Variants in ITPR1 observed in about 807,000 individuals in gnomAD.
The protein encoded by ITPR1 is inositol 1,4,5-trisphosphate-gated calcium channel ITPR1.
ITPR1 carries 96 observed loss-of-function variants against 318.4 expected under a neutral mutation model. The observed-to-expected ratio is 0.30, with a 90% CI of 0.26 to 0.36. The LOEUF (loss-of-function observed/expected upper bound fraction) is 0.36, where lower values mean the gene tolerates loss of function less well. Ranked by LOEUF, ITPR1 falls within the 10% of genes least tolerant of loss-of-function variation. The pLI, the probability that ITPR1 is intolerant of heterozygous loss-of-function variation, is 1.00. For missense variants in ITPR1, 2,440 were observed against 3,460.2 expected, an observed-to-expected ratio of 0.71 and a Z score of 7.40; for synonymous variants, 1,312 against 1,289.9, an observed-to-expected ratio of 1.02 and a Z score of -0.37.
intron 17 of ITPR1, among the ~76,000 whole-genome samples, chr3:4,666,532 C>A (rs1205979593): frequency 6.6e-6 from 1 of 152,168 alleles, no homozygotes; most frequent in African/African-American, 2.4e-5. Context: ...TAGTTGTTTT[C>A]GGATCCTTTA....
chr3:4,507,656 TA>T (rs963620919), intron 2 of ITPR1, among the ~76,000 whole-genome samples: 6 of 152,176 alleles, frequency 3.9e-5, no homozygotes, highest in African/African-American at 1.4e-4. Flanking sequence ...GATGGGTCAT[TA>T]AAAAATTATA....
At chr3:4,614,099 G>A (rs1575727610) in intron 4 of ITPR1, among the ~76,000 whole-genome samples, 1 of 152,146 alleles carries the variant, frequency 6.6e-6, no homozygotes, top group South Asian at 2.1e-4. Flanking sequence ...TCCAAATAAT[G>A]ACTGTGATAC....
At chr3:4,545,069 T>C (rs1037231079) in intron 4 of ITPR1, among the ~76,000 whole-genome samples, 1 of 152,140 alleles carries the variant, frequency 6.6e-6, no homozygotes, top group Non-Finnish European at 1.5e-5. Flanking sequence ...GTGCTGGGAT[T>C]ACAGGTGTGA....
intron 14 of ITPR1, 140 bp from the exon 15 acceptor site, chr3:4,661,942 A>C (rs763090883): frequency 1.3e-4 from 85 of 644,726 alleles, no homozygotes; most frequent in Non-Finnish European, 2.0e-4. Flanking sequence ...GTCCTTGTAG[A>C]TTTTTTTCCT....
intron 4 of ITPR1, among the ~76,000 whole-genome samples, chr3:4,605,891 G>C (rs2091667997): frequency 6.6e-6 from 1 of 152,160 alleles, no homozygotes; most frequent in Non-Finnish European, 1.5e-5. Flanking sequence ...ATCAGAAAGT[G>C]AAGTAGGCAA....
At chr3:4,767,805 G>A (rs71313896) in intron 45 of ITPR1, among the ~76,000 whole-genome samples, 23,163 of 152,198 alleles carry the variant, frequency 0.15, 1,906 homozygotes, top group Middle Eastern at 0.23. Flanking sequence ...CAGCCACTGC[G>A]CTGGACTGTT....
chr3:4,708,512 A>C lies in ITPR1; in HGVS notation c.4843-1813A>C, dbSNP rs571137674. ...AGAACCAGTTCTTGATTCCTGATGGAGTGCTTCCTGATCCCACTATGCTTT... is the reference window on the plus strand; with the variant it reads ...AGAACCAGTTCTTGATTCCTGATGGCGTGCTTCCTGATCCCACTATGCTTT... On this transcript the variant is annotated intron_variant, in intron 37 of 61. Transcript: ENST00000649015. Among the ~76,000 whole-genome samples, 6 of 152,286 alleles carry C rather than the reference A, an allele frequency of 3.9e-5. No individual in the cohort carries two copies. The South Asian group carries it at 1.2e-3, about 32-fold the overall frequency.
Position 4,642,080 on chromosome 3 carries a change from G to C in ITPR1, c.367-13G>C. 1.9e-6 allele frequency: 3 copies of C among 1,567,036 alleles called. No individual in the cohort carries two copies. The highest frequency in any genetic ancestry group is 1.9e-5 in the Admixed American group (1 of 52,164). On this transcript the variant is annotated splice_polypyrimidine_tract_variant and intron_variant, in intron 6 of 61. Transcript: ENST00000649015. ...TTGCTGACACTCACTTTATTCTCTTGGTGGGTTTTTAGCTCCTGCATTTGA... is the reference window on the plus strand; with the variant it reads ...TTGCTGACACTCACTTTATTCTCTTCGTGGGTTTTTAGCTCCTGCATTTGA...
chr3:4,792,695 CAGAG>C (rs780996383), intron 52 of ITPR1, among the ~76,000 whole-genome samples: 2 of 152,112 alleles, frequency 1.3e-5, no homozygotes, highest in African/African-American at 2.4e-5. Context: ...ATTGATGAGA[CAGAG>C]GGAGAGGGAG....
intron 60 of ITPR1, among the ~76,000 whole-genome samples, chr3:4,835,348 G>T (rs1052621997): frequency 6.6e-6 from 1 of 152,150 alleles, no homozygotes; most frequent in Non-Finnish European, 1.5e-5. Context: ...CAGCAGAGGT[G>T]AGCAAACCCA....
chr3:4,749,358 A>G (rs1180771716), intron 44 of ITPR1: 2 of 152,198 alleles, frequency 1.3e-5, no homozygotes, highest in Admixed American at 6.5e-5. Context: ...GAGAGAGGAA[A>G]TCCCGTAGTA....
chr3:4,652,275 C>G, intron 11 of ITPR1, 57 bp downstream of exon 11: 1 of 1,216,938 alleles, frequency 8.2e-7, no homozygotes, highest in Non-Finnish European at 1.2e-6. Flanking sequence ...CACCGCCTTT[C>G]CTCATTCGCC....
chr3:4,673,824 C>T (rs1020494164), intron 21 of ITPR1, among the ~76,000 whole-genome samples: 2 of 152,220 alleles, frequency 1.3e-5, no homozygotes, highest in Admixed American at 6.6e-5. Context: ...CCTTGTGAGC[C>T]GTCCACCTCG....
intron 47 of ITPR1, among the ~76,000 whole-genome samples, chr3:4,776,506 A>G (rs1303923293): frequency 1.3e-5 from 2 of 152,218 alleles, no homozygotes; most frequent in African/African-American, 2.4e-5. Context: ...CTTCATTCAG[A>G]GGAGAACGGT....
chr3:4,791,260 T>C (rs2047534496), intron 52 of ITPR1, among the ~76,000 whole-genome samples: 1 of 152,216 alleles, frequency 6.6e-6, no homozygotes, highest in South Asian at 2.1e-4. Flanking sequence ...TAGCCCCTGA[T>C]AAGTAGAAAA....
intron 4 of ITPR1, among the ~76,000 whole-genome samples, chr3:4,568,046 C>T (rs560274198): frequency 2.0e-4 from 30 of 152,234 alleles, no homozygotes; most frequent in African/African-American, 5.5e-4. Flanking sequence ...ATGCCAAAGT[C>T]GGTGCAGTGA....
At chr3:4,566,006 G>A (rs756417854) in intron 4 of ITPR1, among the ~76,000 whole-genome samples, 4 of 152,318 alleles carry the variant, frequency 2.6e-5, no homozygotes, top group Non-Finnish European at 4.4e-5. Context: ...TCTGAGTGGC[G>A]TAATGCTGGC....
At chr3:4,648,098 G>C (rs1335471046) in intron 10 of ITPR1, among the ~76,000 whole-genome samples, 1 of 152,058 alleles carries the variant, frequency 6.6e-6, no homozygotes, top group Non-Finnish European at 1.5e-5. Context: ...GTTGTGGTAA[G>C]CCGAGAGTGC....
At chr3:4,519,032 C>T (rs982174420) in intron 3 of ITPR1, among the ~76,000 whole-genome samples, 1 of 152,142 alleles carries the variant, frequency 6.6e-6, no homozygotes, top group Admixed American at 6.5e-5. Flanking sequence ...GTCTGATGAA[C>T]ATCCCCCTCG....
Sources: gnomAD v4.1 joint callset for allele counts (sites outside exome capture counted in the v4.1 genomes callset) on GRCh38, gnomAD v4.1.1 for gene constraint, MANE v1.5 for transcripts, NCBI Gene and HGNC (gene_info 2026-07-23, HGNC 2026-07-21) for gene names.